LINGO2: variants seen among roughly 807,000 people sequenced by gnomAD.
LINGO2 encodes the protein leucine rich repeat and Ig domain containing 2.
LINGO2 carries 14 observed loss-of-function variants against 30.6 expected under a neutral mutation model. The ratio of observed to expected loss-of-function variants is 0.46; its 90% confidence interval spans 0.30 to 0.72. The LOEUF is 0.72. Among genes scored for constraint, LINGO2 ranks in the 30% least tolerant of loss-of-function variants. The pLI, the probability that LINGO2 is intolerant of heterozygous loss-of-function variation, is 0.07. For missense variants in LINGO2, 729 were observed against 751.7 expected (o/e 0.97, Z 0.35); for synonymous variants, 317 against 288.5 (o/e 1.10, Z -1.00).
At chr9:28,043,470 G>A (rs1467861649) in intron 4 of LINGO2, among the ~76,000 whole-genome samples, 2 of 152,180 alleles carry the variant, frequency 1.3e-5, no homozygotes, top group African/African-American at 4.8e-5. Context: ...GTGAGGGGTT[G>A]AGAGACTGGA....
intron 4 of LINGO2, among the ~76,000 whole-genome samples, chr9:28,189,329 GAGGA>G (rs1564028796): frequency 3.8e-4 from 6 of 15,928 alleles, no homozygotes; most frequent in Admixed American, 8.2e-4. Flanking sequence ...GGAAGGGAGG[GAGGA>G]AGGAAGGAAG....
At chr9:28,754,642 T>C in the LINGO2 span, among the ~76,000 whole-genome samples, 1 of 151,798 alleles carries the variant, frequency 6.6e-6, no homozygotes, top group Non-Finnish European at 1.5e-5. Context: ...GTCCTTTTTT[T>C]TTTTTTGAGA....
Position 28,602,685 on chromosome 9 carries a change from TAA to T in LINGO2, c.-365+67513_-365+67514del, listed in dbSNP as rs1167785408. The stretch of plus-strand genomic sequence containing the variant: ...TATTCTAAGAAGCTATTCAGAGAAA[TAA>T]AAGTCTTCCTTTTCTAACATATTTG... On this transcript the variant is annotated intron_variant, in intron 1 of 5. Transcript: ENST00000379992. 7.2e-5 allele frequency among the ~76,000 whole-genome samples: 11 copies of T among 152,052 alleles called. 1 individual carries two copies. Among genetic ancestry groups the T allele is most frequent in the Admixed American group, 5.9e-4 (9 of 15,256 alleles).
chr9:28,342,185 G>A (rs1238054770), intron 3 of LINGO2, among the ~76,000 whole-genome samples: 3 of 152,004 alleles, frequency 2.0e-5, no homozygotes, highest in African/African-American at 4.8e-5. Flanking sequence ...CAAACCTCTC[G>A]CTGTCTATAT....
chr9:28,674,966 C>T (rs1184119942), upstream of LINGO2, among the ~76,000 whole-genome samples: 2 of 152,132 alleles, frequency 1.3e-5, no homozygotes, highest in Non-Finnish European at 2.9e-5. Flanking sequence ...GTCTCTCATA[C>T]ATCCAGTAGA....
At chr9:28,744,240 G>A in the LINGO2 span, among the ~76,000 whole-genome samples, 2 of 151,652 alleles carry the variant, frequency 1.3e-5, no homozygotes, top group African/African-American at 4.9e-5. Context: ...CAGTGTCATA[G>A]TAACTTCCTT....
intron 1 of LINGO2, among the ~76,000 whole-genome samples, chr9:28,657,602 C>T (rs1287799028): frequency 6.6e-6 from 1 of 151,614 alleles, no homozygotes; most frequent in African/African-American, 2.4e-5. Flanking sequence ...TAGTAATATT[C>T]CCTCTTTTAT....
chr9:29,013,201 A>G, the LINGO2 span, among the ~76,000 whole-genome samples: 19 of 152,276 alleles, frequency 1.2e-4, no homozygotes, highest in East Asian at 3.1e-3. Flanking sequence ...TCCCCAGAGT[A>G]AAAAACAGGC....
chr9:28,433,966 T>TATATATAC lies in LINGO2; in HGVS notation c.-279+41973_-279+41974insGTATATAT, dbSNP rs752778212. On this transcript the variant is annotated intron_variant, in intron 2 of 5. Coordinates refer to ENST00000379992, the Ensembl canonical transcript of LINGO2. ...CTCTCTCTCTATATATATATATATA[T>TATATATAC]ACACACACACACATGAAAATACTAC... Among the ~76,000 whole-genome samples the TATATATAC allele has an allele frequency of 4.7e-3, 467 of 99,788 alleles. 29 individuals are homozygous for TATATATAC. The highest frequency in any genetic ancestry group is 7.1e-3 in the Non-Finnish European group (300 of 42,140). 65.5% of individuals were successfully genotyped at this position (99,788 alleles called of 152,430 possible).
the LINGO2 span, among the ~76,000 whole-genome samples, chr9:28,769,715 G>C: frequency 7.0e-6 from 1 of 143,214 alleles, no homozygotes; most frequent in Non-Finnish European, 1.5e-5. Context: ...TATTTGTTCT[G>C]TTCTTCTGCT....
At chr9:28,303,796 G>T (rs1286224473) in intron 3 of LINGO2, among the ~76,000 whole-genome samples, 1 of 152,020 alleles carries the variant, frequency 6.6e-6, no homozygotes, top group Non-Finnish European at 1.5e-5. Flanking sequence ...AGGAGGAAGG[G>T]AAAGGGTTGG....
the LINGO2 span, among the ~76,000 whole-genome samples, chr9:28,954,233 T>C: frequency 2.6e-4 from 39 of 152,294 alleles, no homozygotes; most frequent in Admixed American, 5.2e-4. Context: ...GTTTGACTAT[T>C]AGTTACACTT....
chr9:28,602,378 A>G (rs1244802978), intron 1 of LINGO2, among the ~76,000 whole-genome samples: 9 of 152,134 alleles, frequency 5.9e-5, no homozygotes, highest in Admixed American at 5.9e-4. Flanking sequence ...CCAATAATAC[A>G]TTTGGCTATT....
chr9:28,804,501 C>T, the LINGO2 span, among the ~76,000 whole-genome samples: 1 of 151,708 alleles, frequency 6.6e-6, no homozygotes, highest in Non-Finnish European at 1.5e-5. Flanking sequence ...TTTCCAAATT[C>T]TCAGTCTGGT....
At chr9:28,071,643 G>C (rs937429240) in intron 4 of LINGO2, among the ~76,000 whole-genome samples, 2 of 151,370 alleles carry the variant, frequency 1.3e-5, no homozygotes, top group African/African-American at 4.9e-5. Context: ...GGTGGGTATT[G>C]ATAGGAAAAT....
At chr9:28,171,069 C>T (rs993189641) in intron 4 of LINGO2, among the ~76,000 whole-genome samples, 1 of 152,210 alleles carries the variant, frequency 6.6e-6, no homozygotes. Flanking sequence ...GTAAGTTCGG[C>T]CAACCATCTT....
intron 1 of LINGO2, among the ~76,000 whole-genome samples, chr9:28,564,195 G>T (rs886269080): frequency 1.3e-5 from 2 of 151,946 alleles, no homozygotes; most frequent in African/African-American, 4.8e-5. Context: ...ATATCATATG[G>T]AACAATAGTC....
At chr9:28,381,021 A>C (rs1319690029) in intron 2 of LINGO2, among the ~76,000 whole-genome samples, 1 of 152,064 alleles carries the variant, frequency 6.6e-6, no homozygotes, top group Non-Finnish European at 1.5e-5. Flanking sequence ...GGAACACAGT[A>C]AACACCATTT....
In LINGO2 at chr9:28,596,011, C is replaced by T. The variant is rs139272777; in HGVS notation, c.-365+74189G>A. On this transcript the variant is annotated intron_variant, in intron 1 of 5. Coordinates refer to ENST00000379992, the Ensembl canonical transcript of LINGO2. ...TTTGCACAAATGCACACTGTGAATA[C>T]ATGTAAAACTAAAATTCTGCATTGA... is the stretch of plus-strand genomic sequence containing the variant. Among the ~76,000 whole-genome samples, 522 of 152,162 alleles carry T rather than the reference C, an allele frequency of 3.4e-3. 10 individuals are homozygous for T. In the East Asian group the frequency reaches 0.037, roughly 11 times the overall value.
Sources: allele counts gnomAD v4.1 joint callset (sites outside exome capture counted in the v4.1 genomes callset), GRCh38; gene constraint gnomAD v4.1.1; transcripts MANE v1.5; gene names NCBI Gene and HGNC (gene_info 2026-07-23, HGNC 2026-07-21).